The following CTCF variants were observed in gnomAD, a reference collection of about 807,000 sequenced individuals.
The protein encoded by CTCF is transcriptional repressor CTCF.
A neutral mutation model predicts 72.3 loss-of-function variants in CTCF; 7 were observed. The ratio of observed to expected loss-of-function variants is 0.10; its 90% CI spans 0.06 to 0.18. The LOEUF is 0.18. Among genes scored for constraint, CTCF ranks in the 10% least tolerant of loss-of-function variants. The pLI, the probability that CTCF is intolerant of heterozygous loss-of-function variation, is 1.00. For synonymous variants in CTCF, 374 were observed against 315.8 expected (o/e 1.18, Z -1.95); for missense variants, 516 against 949.1 (o/e 0.54, Z 6.00).
chr16:67,589,080 C>G (rs1419572735), intron 2 of CTCF, among the ~76,000 whole-genome samples: 1 of 152,028 alleles, frequency 6.6e-6, no homozygotes, highest in Non-Finnish European at 1.5e-5. Flanking sequence ...TTGTTTGAAG[C>G]CAGAAGCTCA....
chr16:67,626,678 G>A lies in CTCF; in HGVS notation c.1481G>A (p.Arg494His), dbSNP rs770889045. 3.9e-6 allele frequency: 6 copies of A among 1,539,518 alleles called. No individual in the cohort carries two copies. Among genetic ancestry groups the A allele is most frequent in the Non-Finnish European group, 5.3e-6 (6 of 1,140,168 alleles). The change falls in exon 8 of 12, where the codon CGC (arginine) becomes CAC (histidine). Residue 494 changes from arginine to histidine, a missense_variant. By Grantham distance (29) the Arg-to-His change is conservative. Around this residue, in one of 7 missense-constraint regions of CTCF, gnomAD observed 81 missense variants for 184.3 expected, o/e 0.44. Coordinates refer to ENST00000264010, the MANE Select transcript of CTCF (RefSeq NM_006565.4). The part of the protein sequence containing the change: ...QHQKSHKNEK[R>H]FKCDQCDYAC... ...CAGAAGTCACACAAGAATGAGAAGC[G>A]CTTTAAGTGTGACCAGTGTGATTAC...
chr16:67,631,284 C>T (rs749590556), intron 10 of CTCF, among the ~76,000 whole-genome samples: 2 of 151,648 alleles, frequency 1.3e-5, no homozygotes, highest in Non-Finnish European at 2.9e-5. Flanking sequence ...TCCTGCTCAG[C>T]TTCCCAGGTA....
intron 10 of CTCF, among the ~76,000 whole-genome samples, chr16:67,631,195 C>G (rs2052360774): frequency 7.3e-6 from 1 of 137,668 alleles, no homozygotes; most frequent in African/African-American, 2.9e-5. Context: ...GACAGTGTCT[C>G]CCTCTTGTTG....
intron 2 of CTCF, among the ~76,000 whole-genome samples, chr16:67,608,969 G>GACCTCAGGTGATCCACAC (rs1202316718): frequency 1.3e-5 from 2 of 151,888 alleles, no homozygotes; most frequent in African/African-American, 4.8e-5. Context: ...TCGTACTCCC[G>GACCTCAGGTGATCCACAC]ACCTCAGGTG....
intron 2 of CTCF, among the ~76,000 whole-genome samples, chr16:67,576,716 G>A (rs963540593): frequency 6.6e-6 from 1 of 152,022 alleles, no homozygotes; most frequent in African/African-American, 2.4e-5. Context: ...GTTTTTAGTA[G>A]AGATGGGGTT....
At chr16:67,593,714 C>T (rs1326968025) in intron 2 of CTCF, among the ~76,000 whole-genome samples, 1 of 152,090 alleles carries the variant, frequency 6.6e-6, no homozygotes, top group Admixed American at 6.6e-5. Context: ...TTCTGATCTC[C>T]CCAGGAAATA....
rs753480527 is a variant in CTCF at position 67,621,432 on chromosome 16, T to C, written c.1208-10T>C. Reference sequence around the variant, plus strand: ...TTCATTTATGTGTTCATTCTGTATTTTCTTTAAAGGGGAAAAGCCTTATGA... The same window carrying C: ...TTCATTTATGTGTTCATTCTGTATTCTCTTTAAAGGGGAAAAGCCTTATGA... On this transcript the variant is annotated splice_polypyrimidine_tract_variant and intron_variant, in intron 6 of 11. Coordinates refer to ENST00000264010, the MANE Select transcript of CTCF (RefSeq NM_006565.4). 6.3e-7 allele frequency: 1 copy of C among 1,581,584 alleles called. No individual in the cohort carries two copies. The highest frequency in any genetic ancestry group is 8.7e-7 in the Non-Finnish European group (1 of 1,152,158).
intron 4 of CTCF, 163 bp downstream of exon 4, chr16:67,612,284 A>AT (rs778990368): frequency 1.9e-5 from 11 of 580,688 alleles, no homozygotes; most frequent in Non-Finnish European, 1.7e-5. Flanking sequence ...GGACTTAGTT[A>AT]TTATAGACAA....
intron 7 of CTCF, chr16:67,623,488 A>C (rs1264089759): frequency 6.6e-6 from 1 of 151,904 alleles, no homozygotes; most frequent in African/African-American, 2.4e-5. Flanking sequence ...CAAAAATACA[A>C]AACGGTTGTG....
intron 7 of CTCF, among the ~76,000 whole-genome samples, chr16:67,622,580 G>A (rs1222621946): frequency 6.6e-6 from 1 of 151,758 alleles, no homozygotes; most frequent in Non-Finnish European, 1.5e-5. Context: ...AGTTCTTTAT[G>A]AGTGAGCGAA....
intron 7 of CTCF, among the ~76,000 whole-genome samples, chr16:67,624,118 T>G (rs1261144903): frequency 8.3e-6 from 1 of 120,982 alleles, no homozygotes; most frequent in African/African-American, 3.5e-5. Context: ...TGTGTGTGTA[T>G]GTGTGTGTAT....
intron 11 of CTCF, 86 bp from the exon 12 acceptor site, chr16:67,637,602 A>G: frequency 1.8e-6 from 2 of 1,120,774 alleles, no homozygotes; most frequent in Middle Eastern, 2.4e-4. Context: ...CATTGCTGAC[A>G]TCCCGTTCGC....
At chr16:67,613,280 G>A (rs758005399) in intron 4 of CTCF, among the ~76,000 whole-genome samples, 1 of 152,096 alleles carries the variant, frequency 6.6e-6, no homozygotes, top group Non-Finnish European at 1.5e-5. Flanking sequence ...TTGATTTTTA[G>A]GTTTTTAAAA....
At chr16:67,596,926 A>G (rs929945733) in intron 2 of CTCF, among the ~76,000 whole-genome samples, 5 of 152,142 alleles carry the variant, frequency 3.3e-5, no homozygotes, top group Non-Finnish European at 5.9e-5. Flanking sequence ...TAAAATCTCA[A>G]TCATTTCCTC....
chr16:67,587,331 A>G (rs1039591495), intron 2 of CTCF, among the ~76,000 whole-genome samples: 7 of 152,062 alleles, frequency 4.6e-5, no homozygotes, highest in Non-Finnish European at 7.4e-5. Context: ...TATTTGGTAC[A>G]AGTATCCATT....
At chr16:67,606,281 C>G (rs2051971665) in intron 2 of CTCF, among the ~76,000 whole-genome samples, 1 of 152,182 alleles carries the variant, frequency 6.6e-6, no homozygotes, top group Non-Finnish European at 1.5e-5. Flanking sequence ...ACATCCTCTG[C>G]CCTCCACTGT....
intron 1 of CTCF, among the ~76,000 whole-genome samples, chr16:67,569,351 A>G (rs1369450506): frequency 2.0e-5 from 3 of 150,304 alleles, no homozygotes; most frequent in African/African-American, 7.4e-5. Context: ...ATGCCCAGCT[A>G]ATTTTTGTAT....
chr16:67,618,537 G>A lies in CTCF; in HGVS notation c.1086+1659G>A, dbSNP rs1011481403. 3.3e-5 allele frequency among the ~76,000 whole-genome samples: 5 copies of A among 152,258 alleles called. 1 individual carries two copies. Among genetic ancestry groups the A allele is most frequent in the Admixed American group, 3.3e-4 (5 of 15,286 alleles). On this transcript the variant is annotated intron_variant, in intron 5 of 11. Coordinates refer to ENST00000264010, the MANE Select transcript of CTCF (RefSeq NM_006565.4). ...TTCTTAATGTTACTGTTTCAGCTTT[G>A]TACTGGAAATCCTAGCTAATCGAAT...
chr16:67,593,216 G>A (rs557626470), intron 2 of CTCF, among the ~76,000 whole-genome samples: 5 of 151,794 alleles, frequency 3.3e-5, no homozygotes, highest in African/African-American at 1.2e-4. Flanking sequence ...AGATTCGGGG[G>A]TACATGTCCA....
Sources: allele counts gnomAD v4.1 joint callset (sites outside exome capture counted in the v4.1 genomes callset), GRCh38; gene constraint gnomAD v4.1.1; regional missense constraint gnomAD v4.1.1; transcripts MANE v1.5; gene names NCBI Gene and HGNC (gene_info 2026-07-23, HGNC 2026-07-21).